The following MBNL2 variants were observed in gnomAD, a reference collection of about 807,000 sequenced individuals.
MBNL2 encodes the protein muscleblind-like protein 2.
Under a neutral mutation model 41.9 loss-of-function variants are expected in MBNL2, and 17 were observed. The ratio of observed to expected loss-of-function variants is 0.41; its 90% CI spans 0.28 to 0.61. The LOEUF is 0.61. Ranked by LOEUF, MBNL2 falls within the 20% of genes least tolerant of loss-of-function variation. MBNL2 has a pLI of 0.35. For missense variants in MBNL2, 336 were observed against 505.6 expected (o/e 0.66, Z 3.22); for synonymous variants, 195 against 182.9 (o/e 1.07, Z -0.53).
chr13:97,205,383 C>T, the MBNL2 span, among the ~76,000 whole-genome samples: 2 of 151,008 alleles, frequency 1.3e-5, no homozygotes, highest in Non-Finnish European at 3.0e-5. Context: ...GAGCGAGACT[C>T]TGTCTAAAAA....
At chr13:97,157,287 A>AT in the MBNL2 span, among the ~76,000 whole-genome samples, 6 of 143,250 alleles carry the variant, frequency 4.2e-5, no homozygotes, top group East Asian at 1.2e-3. Flanking sequence ...GCTTAAGGAG[A>AT]TTTTGGGCTG....
chr13:97,189,119 C>T, the MBNL2 span, among the ~76,000 whole-genome samples: 70 of 152,076 alleles, frequency 4.6e-4, no homozygotes, highest in Non-Finnish European at 7.2e-4. Flanking sequence ...GTCTCAAACT[C>T]CTGGCCTCAA....
intron 4 of MBNL2, 117 bp downstream of exon 4, chr13:97,343,333 A>G: frequency 2.7e-6 from 2 of 739,476 alleles, no homozygotes; most frequent in East Asian, 5.2e-5. Context: ...AAACACACAC[A>G]CACAAACTCA....
chr13:97,374,559 C>G (rs1300049600), intron 8 of MBNL2, among the ~76,000 whole-genome samples: 1 of 150,724 alleles, frequency 6.6e-6, no homozygotes, highest in African/African-American at 2.4e-5. Context: ...ACGCTCAGCT[C>G]ATTTTTGTAT....
rs200461942 is a variant in MBNL2, at chr13:97,268,104, T to C, written c.-604-7528T>C. Among the ~76,000 whole-genome samples, 14 of 111,088 alleles carry C rather than the reference T, an allele frequency of 1.3e-4. No individual in the cohort carries two copies. Among genetic ancestry groups the C allele is most frequent in the Non-Finnish European group, 1.9e-4 (9 of 47,052 alleles). The allele number at this position is 111,088 out of a possible 152,430, so 72.9% of individuals were successfully genotyped here. On this transcript the variant is annotated intron_variant, in intron 1 of 8. Transcript: ENST00000679496. The surrounding 1 kb of genome is among the most constrained non-coding windows in gnomAD (Gnocchi z 4.6). ...TCCTTCCTTCCTTCCTTCCTTCCTT[T>C]CTTTCTTTTGAGACAGCGTCGCTCT... is the stretch of plus-strand genomic sequence containing the variant.
Position 97,391,605 on chromosome 13 carries a change from G to T in MBNL2, c.*156G>T. Reference sequence around the variant, plus strand: ...GATGTTTAAAGACATAAAGGATAAAGTTTACTTTTAAAGGGTTTCTAAACA... The same window carrying T: ...GATGTTTAAAGACATAAAGGATAAATTTTACTTTTAAAGGGTTTCTAAACA... On this transcript the variant is annotated 3_prime_UTR_variant, in exon 9 of 9. Transcript: ENST00000679496. 1.7e-6 allele frequency: 1 copy of T among 595,676 alleles called. No homozygotes were observed. Among genetic ancestry groups the T allele is most frequent in the Non-Finnish European group, 2.9e-6 (1 of 340,186 alleles). The allele number at this position is 595,676 out of a possible 1,614,324, so 36.9% of individuals were successfully genotyped here.
chr13:97,322,427 G>A (rs7995199), intron 2 of MBNL2, among the ~76,000 whole-genome samples: 93,751 of 152,042 alleles, frequency 0.62, 31,464 homozygotes, highest in African/African-American at 0.9. Flanking sequence ...AAAGCAATAT[G>A]CATTCAGCAC....
the MBNL2 span, among the ~76,000 whole-genome samples, chr13:97,178,110 G>C: frequency 6.6e-6 from 1 of 152,174 alleles, no homozygotes; most frequent in Non-Finnish European, 1.5e-5. Flanking sequence ...CACAGAAAAA[G>C]TCAATGGAAG....
intron 3 of MBNL2, among the ~76,000 whole-genome samples, chr13:97,341,426 T>G (rs1236555756): frequency 6.6e-6 from 1 of 152,224 alleles, no homozygotes; most frequent in African/African-American, 2.4e-5. Flanking sequence ...TAGTACTAAA[T>G]TATAAAAGCT....
At chr13:97,313,029 G>T (rs931171184) in intron 2 of MBNL2, among the ~76,000 whole-genome samples, 2 of 152,170 alleles carry the variant, frequency 1.3e-5, no homozygotes, top group Admixed American at 6.5e-5. Flanking sequence ...GGTAGCAATC[G>T]TCTACAGAGG....
chr13:97,178,916 A>C, the MBNL2 span, among the ~76,000 whole-genome samples: 1 of 152,238 alleles, frequency 6.6e-6, no homozygotes, highest in African/African-American at 2.4e-5. Flanking sequence ...AAAACAAAAA[A>C]GAAATACAAT....
rs34820289 is a variant in MBNL2, at chr13:97,334,148, CCACACACA to C, written c.175-107_175-100del. The stretch of plus-strand genomic sequence containing the variant: ...AACACATGAGCATGCGCGCGCACAC[CCACACACA>C]CACACACACACACACACACAGGATC... On this transcript the variant is annotated intron_variant, in intron 2 of 8. Transcript: ENST00000679496. The surrounding 1 kb of genome is among the most constrained non-coding windows in gnomAD (Gnocchi z 5.3). The C allele has an allele frequency of 2.0e-5, 11 of 547,332 alleles. No individual in the cohort carries two copies. The highest frequency in any genetic ancestry group is 4.0e-5 in the African/African-American group (2 of 49,562). 33.9% of individuals were successfully genotyped at this position (547,332 alleles called of 1,614,324 possible). A position where few individuals can be genotyped will look rare whatever the true frequency, so the allele number is the denominator to read the frequency against.
At chr13:97,387,978 G>A (rs955730757) in intron 8 of MBNL2, among the ~76,000 whole-genome samples, 2 of 152,170 alleles carry the variant, frequency 1.3e-5, no homozygotes, top group Non-Finnish European at 2.9e-5. Flanking sequence ...TTTCAAGACA[G>A]CATGGGGTGC....
the MBNL2 span, among the ~76,000 whole-genome samples, chr13:97,201,868 A>G: frequency 3.3e-5 from 5 of 152,344 alleles, no homozygotes; most frequent in African/African-American, 1.2e-4. Flanking sequence ...CATGCAAAAT[A>G]GTCTCATTTG....
At chr13:97,153,719 C>T in the MBNL2 span, among the ~76,000 whole-genome samples, 3 of 152,140 alleles carry the variant, frequency 2.0e-5, no homozygotes, top group African/African-American at 7.2e-5. Context: ...CAGCCACAAA[C>T]CTTAAAGCAC....
At chr13:97,181,627 A>ACT in the MBNL2 span, among the ~76,000 whole-genome samples, 1 of 152,182 alleles carries the variant, frequency 6.6e-6, no homozygotes. Context: ...TCATCTTAGA[A>ACT]ATTGGTTCAG....
chr13:97,199,011 T>A, the MBNL2 span, among the ~76,000 whole-genome samples: 2 of 152,118 alleles, frequency 1.3e-5, no homozygotes, highest in Non-Finnish European at 2.9e-5. Context: ...CCATAGATCT[T>A]ACAAACTGCT....
the MBNL2 span, among the ~76,000 whole-genome samples, chr13:97,180,025 A>G: frequency 1.3e-5 from 2 of 152,380 alleles, no homozygotes; most frequent in Admixed American, 1.3e-4. Context: ...TGAAGTACAG[A>G]GAATGTATAA....
At chr13:97,247,995 A>G (rs2045807169) in intron 1 of MBNL2, among the ~76,000 whole-genome samples, 1 of 152,256 alleles carries the variant, frequency 6.6e-6, no homozygotes, top group Admixed American at 6.5e-5. Context: ...TTAATGCTAC[A>G]TTAGAAATGA....
Sources: gnomAD v4.1 joint callset for allele counts (sites outside exome capture counted in the v4.1 genomes callset) on GRCh38, gnomAD v4.1.1 for gene constraint, Gnocchi (gnomAD v3.1) non-coding constraint, MANE v1.5 for transcripts, NCBI Gene and HGNC (gene_info 2026-07-23, HGNC 2026-07-21) for gene names.